The following SLC2A8 variants were observed in gnomAD, a reference collection of about 807,000 sequenced individuals.
The protein encoded by SLC2A8 is solute carrier family 2, facilitated glucose transporter member 8.
Under a neutral mutation model 49.2 loss-of-function variants are expected in SLC2A8, and 53 were observed. The ratio of observed to expected loss-of-function variants is 1.08; its 90% CI spans 0.86 to 1.35. The LOEUF is 1.35. Among genes scored for constraint, SLC2A8 ranks in the 40% most tolerant of loss-of-function variants. The pLI, the probability that SLC2A8 is intolerant of heterozygous loss-of-function variation, is 0.00. For missense variants in SLC2A8, 688 were observed against 671.7 expected (o/e 1.02, Z -0.27); for synonymous variants, 299 against 297.0 (o/e 1.01, Z -0.07).
Position 127,407,350 on chromosome 9 carries a change from G to T in SLC2A8, c.*101G>T. On this transcript the variant is annotated 3_prime_UTR_variant, in exon 10 of 10. Coordinates refer to ENST00000373371, the MANE Select transcript of SLC2A8 (RefSeq NM_014580.5). ...GGGAGCCAGAATCCAGCCCCTTGGA[G>T]CCTTGGTCTGCAGGGTCCCTCCTTC... The T allele has an allele frequency of 4.1e-6, 6 of 1,459,866 alleles. No homozygotes were observed. The highest frequency in any genetic ancestry group is 5.7e-6 in the Non-Finnish European group (6 of 1,044,380). The allele number at this position is 1,459,866 out of a possible 1,614,324, so 90.4% of individuals were successfully genotyped here. A position where few individuals can be genotyped will look rare whatever the true frequency, so the allele number is the denominator to read the frequency against.
intron 9 of SLC2A8, among the ~76,000 whole-genome samples, chr9:127,406,367 C>A (rs1833492538): frequency 6.6e-6 from 1 of 152,184 alleles, no homozygotes; most frequent in Non-Finnish European, 1.5e-5. Context: ...TTAGGCAGGA[C>A]TGCCCGGGGA....
rs117530465 is a variant in SLC2A8, at chr9:127,400,515, C to T, written c.526+509C>T. Among the ~76,000 whole-genome samples the T allele has an allele frequency of 2.0e-5, 3 of 152,230 alleles. No individual in the cohort carries two copies. The East Asian group carries it at 5.8e-4, about 29-fold the overall frequency. On this transcript the variant is annotated intron_variant, in intron 4 of 9. Coordinates refer to ENST00000373371, the MANE Select transcript of SLC2A8 (RefSeq NM_014580.5). ...CAGCTGGAGAAGGTGATACCCTCAGCTTTCCTGAAGCCCCCTCTAGGGGTG... is the reference window on the plus strand; with the variant it reads ...CAGCTGGAGAAGGTGATACCCTCAGTTTTCCTGAAGCCCCCTCTAGGGGTG...
At position 127,404,016 on chromosome 9, in the gene SLC2A8, GC is replaced by G. The variant is rs746153241; in HGVS notation, c.926del (p.Ala309GlyfsTer34). 1.6e-4 allele frequency: 261 copies of G among 1,607,514 alleles called. No homozygotes were observed. The highest frequency in any genetic ancestry group is 2.2e-4 in the Non-Finnish European group (253 of 1,175,748). ...CATCCAGGTGCTGTTCACAGCTGTG[GC>G]GGCTCTCATCATGGACAGAGCAGGG... ...GVIQVLFTAV[A>X]ALIMDRAGRR... is the part of the protein sequence containing the mutation. On this transcript the variant is annotated frameshift_variant, in exon 7 of 10. Transcript: ENST00000373371. LOFTEE classifies it high-confidence loss of function.
chr9:127,402,199 A>T (rs1304042268), intron 4 of SLC2A8, among the ~76,000 whole-genome samples: 1 of 152,206 alleles, frequency 6.6e-6, no homozygotes, highest in Non-Finnish European at 1.5e-5. Flanking sequence ...TATGAGGGAC[A>T]TGCATATTTA....
chr9:127,402,766 A>T lies in SLC2A8; in HGVS notation c.723+13A>T. Reference sequence around the variant, plus strand: ...CGGGGCTGAGCAGGTGAGAGGCTGGAAGGCAGAGCTGACAGGAGTGGGACA... The same window carrying T: ...CGGGGCTGAGCAGGTGAGAGGCTGGTAGGCAGAGCTGACAGGAGTGGGACA... On this transcript the variant is annotated intron_variant, in intron 5 of 9. Coordinates refer to ENST00000373371, the MANE Select transcript of SLC2A8 (RefSeq NM_014580.5). 6.6e-7 allele frequency: 1 copy of T among 1,525,930 alleles called. No individual in the cohort carries two copies. The allele number at this position is 1,525,930 out of a possible 1,614,324, so 94.5% of individuals were successfully genotyped here.
At chr9:127,405,070 G>C in intron 8 of SLC2A8, 79 bp downstream of exon 8, 1 of 1,468,570 alleles carries the variant, frequency 6.8e-7, no homozygotes, top group Non-Finnish European at 9.2e-7. Flanking sequence ...CCGGCAGGTG[G>C]GGTCTTCCCC....
Position 127,402,539 on chromosome 9 carries a change from T to C in SLC2A8, c.527-18T>C, listed in dbSNP as rs3802367. 1,180,443 of 1,504,308 alleles carry C rather than the reference T, an allele frequency of 0.78. 465,632 individuals carry two copies. Among genetic ancestry groups the C allele is most frequent in the South Asian group, 0.85 (66,983 of 78,578 alleles). The allele number at this position is 1,504,308 out of a possible 1,614,324, so 93.2% of individuals were successfully genotyped here. On this transcript the variant is annotated intron_variant, in intron 4 of 9. Coordinates refer to ENST00000373371, the MANE Select transcript of SLC2A8 (RefSeq NM_014580.5). ...CACCCTGGCTCTGACGCCAGCCTCC[T>C]CCACCCACCCCCCGCAGGCTGGGTG...
intron 2 of SLC2A8, 82 bp downstream of exon 2, chr9:127,397,620 C>T (rs1189365573): frequency 8.1e-6 from 11 of 1,357,360 alleles, no homozygotes; most frequent in Non-Finnish European, 9.4e-6. Flanking sequence ...CCGCCCCCCA[C>T]CCTTCCCCTC....
At chr9:127,406,126 GTTGT>G (rs1833484775) in intron 9 of SLC2A8, 1 of 509,576 alleles carries the variant, frequency 2.0e-6, no homozygotes, top group East Asian at 5.5e-5. Flanking sequence ...AGATGATCTG[GTTGT>G]TTGTTCAGTC....
chr9:127,401,669 G>A (rs959665058), intron 4 of SLC2A8, among the ~76,000 whole-genome samples: 6 of 152,098 alleles, frequency 3.9e-5, no homozygotes, highest in African/African-American at 1.4e-4. Flanking sequence ...TGTGAGTTTC[G>A]ATCCACTGGG....
At chr9:127,406,071 C>T (rs1317017897) in intron 9 of SLC2A8, 2 of 518,848 alleles carry the variant, frequency 3.9e-6, no homozygotes. Flanking sequence ...CAGGTGTGGC[C>T]CCTGTCCCGG....
intron 7 of SLC2A8, chr9:127,404,410 C>T: frequency 3.0e-6 from 1 of 327,980 alleles, no homozygotes; most frequent in Non-Finnish European, 5.6e-6. Context: ...TCAGTCTCCC[C>T]CTCTGGGAAG....
chr9:127,407,206 G>A lies in SLC2A8; in HGVS notation c.1391G>A (p.Gly464Glu). Residue 464 changes from glycine to glutamate, a missense_variant, in exon 10 of 10, where the codon GGA becomes GAA. Physicochemically the swap from Gly to Glu is moderately conservative, Grantham distance 98. Coordinates refer to ENST00000373371, the MANE Select transcript of SLC2A8 (RefSeq NM_014580.5). The part of the protein sequence containing the change: ...FTLFCVPETK[G>E]KTLEQITAHF... ...TTGTTCTGTGTCCCTGAAACTAAAG[G>A]AAAGACTCTGGAACAAATCACAGCC... 1 of 1,613,480 alleles carries A rather than the reference G, an allele frequency of 6.2e-7. No individual in the cohort carries two copies. Among genetic ancestry groups the A allele is most frequent in the South Asian group, 1.1e-5 (1 of 91,072 alleles).
In SLC2A8 at chr9:127,399,634, T is replaced by G. The variant is rs1833195358; in HGVS notation, c.427-273T>G. ...TTCGCTCTTGTTGCCCAGGCTGGAG[T>G]GCAATGGTGGGATCTTGGCTCACCG... On this transcript the variant is annotated intron_variant, in intron 3 of 9. Coordinates refer to ENST00000373371, the MANE Select transcript of SLC2A8 (RefSeq NM_014580.5). This position sits in a 1 kb window ranked among gnomAD's most constrained non-coding sequence, Gnocchi z 4.2. Among the ~76,000 whole-genome samples, 1 of 150,570 alleles carries G rather than the reference T, an allele frequency of 6.6e-6. No homozygotes were observed. The highest frequency in any genetic ancestry group is 6.7e-5 in the Admixed American group (1 of 14,936).
In SLC2A8 at chr9:127,403,775, A is replaced by G. The variant is rs1185432793; in HGVS notation, c.839A>G (p.Glu280Gly). 3 of 1,613,192 alleles carry G rather than the reference A, an allele frequency of 1.9e-6. No homozygotes were observed. Among genetic ancestry groups the G allele is most frequent in the Non-Finnish European group, 2.5e-6 (3 of 1,179,938 alleles). Residue 280 changes from glutamate to glycine, a missense_variant, in exon 6 of 10, where the codon GAG (glutamate) becomes GGG (glycine). Glu to Gly is a moderately conservative substitution (Grantham distance 98). Transcript: ENST00000373371. ...GTCAACGCCGTCATGTTCTATGCAG[A>G]GACCATCTTTGAAGAGGCCAAGTTC... ...SGVNAVMFYA[E>G]TIFEEAKFKD...
chr9:127,402,654 C>A lies in SLC2A8; in HGVS notation c.624C>A (p.Phe208Leu). The change falls in exon 5 of 10, where the codon TTC (phenylalanine) becomes TTA (leucine). Residue 208 changes from phenylalanine (F) to leucine (L), a missense_variant. Phe to Leu is a conservative substitution (Grantham distance 22). Transcript: ENST00000373371. Reference protein sequence around the residue: ...LMCFMPETPRFLLTQHRRQEA... With the variant: ...LMCFMPETPRLLLTQHRRQEA... ...GCTTCATGCCCGAGACCCCGCGCTT[C>A]CTGCTGACTCAGCACAGGCGCCAGG... 6.3e-7 allele frequency: 1 copy of A among 1,589,794 alleles called. No individual in the cohort carries two copies. Among genetic ancestry groups the A allele is most frequent in the Non-Finnish European group, 8.5e-7 (1 of 1,169,954 alleles).
chr9:127,397,942 T>C lies in SLC2A8; in HGVS notation c.257T>C (p.Leu86Pro), dbSNP rs947386016. 2.7e-5 allele frequency: 41 copies of C among 1,533,180 alleles called. No homozygotes were observed. The Admixed American group carries it at 5.7e-4, about 21-fold the overall frequency. The allele number at this position is 1,533,180 out of a possible 1,614,324, so 95.0% of individuals were successfully genotyped here. ...VTLGAAAGGV[L>P]GGWLVDRAGR... is the part of the protein sequence containing the mutation. ...CTGGGTGCCGCGGCGGGGGGAGTGC[T>C]GGGCGGCTGGCTGGTGGACCGCGCC... Residue 86 changes from leucine to proline, a missense_variant, in exon 3 of 10, where the codon CTG becomes CCG. Coordinates refer to ENST00000373371, the MANE Select transcript of SLC2A8 (RefSeq NM_014580.5).
intron 3 of SLC2A8, among the ~76,000 whole-genome samples, chr9:127,398,708 C>A (rs1833146981): frequency 6.6e-6 from 1 of 152,234 alleles, no homozygotes; most frequent in East Asian, 1.9e-4. Flanking sequence ...CAGAGTGCCT[C>A]CCTGGGCCTC....
chr9:127,400,166 CTTT>C (rs796202714), intron 4 of SLC2A8, among the ~76,000 whole-genome samples, 160 bp downstream of exon 4: 16 of 116,776 alleles, frequency 1.4e-4, no homozygotes, highest in Admixed American at 2.5e-4. Context: ...ATAGGTGAGT[CTTT>C]TTTTTTTTTT....
Sources: allele counts gnomAD v4.1 joint callset (sites outside exome capture counted in the v4.1 genomes callset), GRCh38; gene constraint gnomAD v4.1.1; non-coding constraint Gnocchi (gnomAD v3.1); transcripts MANE v1.5; gene names NCBI Gene and HGNC (gene_info 2026-07-23, HGNC 2026-07-21).